The following FBLN2 variants were observed in gnomAD, a reference collection of about 807,000 sequenced individuals.
FBLN2 encodes the protein fibulin-2.
A neutral mutation model predicts 123.7 loss-of-function variants in FBLN2; 81 were observed. The observed-to-expected ratio is 0.65, with a 90% CI of 0.55 to 0.79. FBLN2 has a LOEUF of 0.79. Among genes scored for constraint, FBLN2 ranks in the 30% least tolerant of loss-of-function variants. FBLN2 has a pLI of 0.00. For synonymous variants in FBLN2, 699 were observed against 701.4 expected, an observed-to-expected ratio of 1.00 and a Z score of 0.05; for missense variants, 1,603 against 1,681.3, an observed-to-expected ratio of 0.95 and a Z score of 0.81.
rs774669634 is a variant in FBLN2 at position 13,621,899 on chromosome 3, G to A, written c.2280G>A (p.Ala760=). The A allele has an allele frequency of 2.4e-5, 39 of 1,613,036 alleles. No homozygotes were observed. The highest frequency in any genetic ancestry group is 3.1e-5 in the Non-Finnish European group (36 of 1,179,608). ...VLCADGYILN[A]HRKCVDINEC... is the part of the protein sequence containing the mutation. ...GTGCCGATGGCTATATCCTCAATGC[G>A]CACAGGAAGTGCGTGGGTAAGCCAG... The change falls in exon 9 of 18, where the codon GCG becomes GCA. Residue 760 remains alanine (A), a synonymous_variant. Transcript: ENST00000404922.
chr3:13,608,215 C>A, intron 3 of FBLN2, 42 bp downstream of exon 3: 1 of 1,445,226 alleles, frequency 6.9e-7, no homozygotes, highest in Non-Finnish European at 9.5e-7. Context: ...GCCCATTTGC[C>A]TTCTCCAGAA....
intron 2 of FBLN2, among the ~76,000 whole-genome samples, chr3:13,584,742 CG>C (rs774367328): frequency 3.3e-4 from 50 of 152,252 alleles, no homozygotes; most frequent in Non-Finnish European, 4.3e-4. Context: ...GATGGCCGTG[CG>C]GGTATGGTGG....
rs117417354 is a variant in FBLN2 at position 13,564,036 on chromosome 3, G to T, written c.-41-6279G>T. Among the ~76,000 whole-genome samples the T allele has an allele frequency of 1.7e-4, 26 of 152,290 alleles. 2 individuals carry two copies. The East Asian group carries it at 4.8e-3, about 28-fold the overall frequency. ...TTAGCCCAGGGAAGCCCTGTTGCTG[G>T]GCCCCACAGCTTCAGTGTCAAGTGT... On this transcript the variant is annotated intron_variant, in intron 1 of 17. Coordinates refer to ENST00000404922, the MANE Select transcript of FBLN2 (RefSeq NM_001004019.2).
intron 2 of FBLN2, among the ~76,000 whole-genome samples, chr3:13,577,693 C>G (rs192418598): frequency 6.6e-6 from 1 of 152,228 alleles, no homozygotes; most frequent in African/African-American, 2.4e-5. Context: ...CATAGAGGCT[C>G]TGCTGGAGAG....
At chr3:13,596,921 A>AATTT (rs1704861446) in intron 2 of FBLN2, among the ~76,000 whole-genome samples, 3 of 148,336 alleles carry the variant, frequency 2.0e-5, no homozygotes, top group African/African-American at 7.6e-5. Context: ...TTAAAAAATA[A>AATTT]ATTTGTTTAT....
At chr3:13,614,635 TATCC>T (rs375890094) in intron 5 of FBLN2, among the ~76,000 whole-genome samples, 3,120 of 131,872 alleles carry the variant, frequency 0.024, 49 homozygotes, top group Middle Eastern at 0.057. Flanking sequence ...CCCACCCAAT[TATCC>T]ATCCATCCAT....
chr3:13,570,877 C>T lies in FBLN2; in HGVS notation c.522C>T (p.Leu174=). 1 of 1,611,596 alleles carries T rather than the reference C, an allele frequency of 6.2e-7. No homozygotes were observed. The highest frequency in any genetic ancestry group is 8.5e-7 in the Non-Finnish European group (1 of 1,179,226). Residue 174 remains leucine (L), a synonymous_variant, in exon 2 of 18, where the codon CTC becomes CTT. Coordinates refer to ENST00000404922, the MANE Select transcript of FBLN2 (RefSeq NM_001004019.2). The part of the protein sequence containing the change: ...DAGGELICYQ[L]PGCHGNFSDA... Reference sequence around the variant, plus strand: ...GTGGAGAGCTCATCTGCTACCAGCTCCCCGGTTGCCACGGGAACTTCTCAG... The same window carrying T: ...GTGGAGAGCTCATCTGCTACCAGCTTCCCGGTTGCCACGGGAACTTCTCAG...
At chr3:13,574,097 C>T (rs1704055566) in intron 2 of FBLN2, among the ~76,000 whole-genome samples, 1 of 152,166 alleles carries the variant, frequency 6.6e-6, no homozygotes, top group African/African-American at 2.4e-5. Context: ...GCGCCGAGCA[C>T]GGTGCCTAAC....
intron 8 of FBLN2, 59 bp from the exon 9 acceptor site, chr3:13,621,716 C>A (rs41293413): frequency 2.5e-6 from 4 of 1,586,436 alleles, no homozygotes; most frequent in Non-Finnish European, 3.4e-6. Context: ...CTGGATGCTC[C>A]GTGGCAGCCC....
intron 8 of FBLN2, among the ~76,000 whole-genome samples, chr3:13,620,177 G>A (rs567009614): frequency 6.6e-6 from 1 of 152,220 alleles, no homozygotes; most frequent in Admixed American, 6.5e-5. Flanking sequence ...CTGAGATTCT[G>A]CCGAATCCCC....
At chr3:13,621,036 G>A (rs1047697590) in intron 8 of FBLN2, among the ~76,000 whole-genome samples, 3 of 152,204 alleles carry the variant, frequency 2.0e-5, no homozygotes, top group Non-Finnish European at 2.9e-5. Context: ...CTTTTCTGGG[G>A]CAGGCCTCCT....
chr3:13,580,423 G>A (rs958699005), intron 2 of FBLN2, among the ~76,000 whole-genome samples: 5 of 152,144 alleles, frequency 3.3e-5, no homozygotes, highest in Admixed American at 6.6e-5. Flanking sequence ...TGCAGGAGCC[G>A]GGGAGACAGG....
chr3:13,574,651 C>T (rs985906734), intron 2 of FBLN2, among the ~76,000 whole-genome samples: 57 of 152,134 alleles, frequency 3.7e-4, no homozygotes, highest in African/African-American at 1.2e-3. Context: ...GCCATGGCAA[C>T]GCGGCTGGAG....
In FBLN2 at chr3:13,614,015, G is replaced by C; in HGVS notation, c.1580G>C (p.Arg527Pro). 6.2e-7 allele frequency: 1 copy of C among 1,613,122 alleles called. No individual in the cohort carries two copies. Among genetic ancestry groups the C allele is most frequent in the South Asian group, 1.1e-5 (1 of 91,074 alleles). Residue 527 changes from arginine (R) to proline (P), a missense_variant, in exon 5 of 18, where the codon CGC (arginine) becomes CCC (proline). By Grantham distance (103) the Arg-to-Pro change is moderately radical. Coordinates refer to ENST00000404922, the MANE Select transcript of FBLN2 (RefSeq NM_001004019.2). Reference sequence around the variant, plus strand: ...TGTGACTGCTGTGGCCTGGGCCTCCGCGTGCGGGCCGAGGGCCAGTCGTGT... The same window carrying C: ...TGTGACTGCTGTGGCCTGGGCCTCCCCGTGCGGGCCGAGGGCCAGTCGTGT... ...QCCDCCGLGL[R>P]VRAEGQSCES... is the part of the protein sequence containing the mutation.
intron 2 of FBLN2, among the ~76,000 whole-genome samples, chr3:13,595,261 G>A (rs1052517741): frequency 1.8e-4 from 28 of 152,156 alleles, no homozygotes; most frequent in Admixed American, 1.8e-3. Flanking sequence ...AGAAAGCAGT[G>A]GGGATGCAGA....
chr3:13,555,611 T>G (rs1405892854), intron 1 of FBLN2, among the ~76,000 whole-genome samples: 1 of 151,934 alleles, frequency 6.6e-6, no homozygotes, highest in Admixed American at 6.6e-5. Context: ...CCCGCCACCA[T>G]GCCTGGCTAA....
rs770680852 is a variant in FBLN2 at position 13,570,665 on chromosome 3, G to A, written c.310G>A (p.Gly104Ser). The A allele has an allele frequency of 3.3e-5, 53 of 1,583,950 alleles. No individual in the cohort carries two copies. The highest frequency in any genetic ancestry group is 4.6e-5 in the East Asian group (2 of 43,388). Residue 104 changes from glycine to serine, a missense_variant, in exon 2 of 18, where the codon GGC (glycine) becomes AGC (serine). Gly to Ser is a moderately conservative substitution (Grantham distance 56). Coordinates refer to ENST00000404922, the MANE Select transcript of FBLN2 (RefSeq NM_001004019.2). ...CACTGAGTGCTCCTGCCCACCAGGC[G>A]GCGGCAAGATCAGCTGCCAGTTCAT... The part of the protein sequence containing the change: ...GSTECSCPPG[G>S]GKISCQFMLC...
At chr3:13,635,311 T>A (rs935296358) in intron 16 of FBLN2, among the ~76,000 whole-genome samples, 4 of 151,894 alleles carry the variant, frequency 2.6e-5, no homozygotes, top group African/African-American at 9.7e-5. Flanking sequence ...GCTGAGCAGC[T>A]CATCCTCAAA....
At position 13,638,042 on chromosome 3, in the gene FBLN2, A is replaced by T. The variant is rs769000609; in HGVS notation, c.*123A>T. On this transcript the variant is annotated 3_prime_UTR_variant, in exon 18 of 18. Coordinates refer to ENST00000404922, the MANE Select transcript of FBLN2 (RefSeq NM_001004019.2). ...AAATTAACTTAATTTTGCTGACTTG[A>T]CTCCTGTGGCTTCTGGACCCCTCCT... 53 of 950,368 alleles carry T rather than the reference A, an allele frequency of 5.6e-5. No individual in the cohort carries two copies. Among genetic ancestry groups the T allele is most frequent in the Non-Finnish European group, 8.4e-5 (53 of 633,664 alleles). 58.9% of individuals were successfully genotyped at this position (950,368 alleles called of 1,614,324 possible).
Sources: allele counts gnomAD v4.1 joint callset (sites outside exome capture counted in the v4.1 genomes callset), GRCh38; gene constraint gnomAD v4.1.1; transcripts MANE v1.5; gene names NCBI Gene and HGNC (gene_info 2026-07-23, HGNC 2026-07-21).